MYCBP2: variants seen among roughly 807,000 people sequenced by gnomAD.
MYCBP2 encodes the protein MYC binding protein 2, also known as E3 ubiquitin-protein ligase MYCBP2.
A neutral mutation model predicts 525.3 loss-of-function variants in MYCBP2; 120 were observed. The ratio of observed to expected loss-of-function variants is 0.23; its 90% CI spans 0.20 to 0.27. The LOEUF (loss-of-function observed/expected upper bound fraction) is 0.27, where lower values mean the gene tolerates loss of function less well. Among genes scored for constraint, MYCBP2 ranks in the 10% least tolerant of loss-of-function variants. MYCBP2 has a pLI of 1.00. For missense variants in MYCBP2, 4,149 were observed against 5,657.1 expected, an observed-to-expected ratio of 0.73 and a Z score of 8.55; for synonymous variants, 1,894 against 1,955.8, an observed-to-expected ratio of 0.97 and a Z score of 0.83.
intron 20 of MYCBP2, among the ~76,000 whole-genome samples, chr13:77,223,879 G>C (rs568036485): frequency 6.6e-6 from 1 of 152,162 alleles, no homozygotes; most frequent in South Asian, 2.1e-4. Context: ...GGAATCTTTA[G>C]CTGCACGATC....
intron 55 of MYCBP2, 161 bp from the exon 56 acceptor site, chr13:77,099,174 T>C (rs756041160): frequency 1.0e-6 from 1 of 986,692 alleles, no homozygotes; most frequent in Non-Finnish European, 1.4e-6. Flanking sequence ...GGGAAATATT[T>C]CTAATAAAAT....
rs2046659790 is a variant in MYCBP2, at chr13:77,099,020, G to C, written c.8141-7C>G. ...GAGATGTTTCCTCGATCACCTGTAT[G>C]GTCCATTTTACAGTGAAACTTATTA... On this transcript the variant is annotated splice_region_variant and splice_polypyrimidine_tract_variant and intron_variant, in intron 55 of 82. Transcript: ENST00000544440. 1 of 1,598,414 alleles carries C rather than the reference G, an allele frequency of 6.3e-7. No homozygotes were observed. Among genetic ancestry groups the C allele is most frequent in the Non-Finnish European group, 8.5e-7 (1 of 1,177,878 alleles).
intron 61 of MYCBP2, among the ~76,000 whole-genome samples, chr13:77,088,182 T>C (rs751595431): frequency 6.6e-6 from 1 of 152,166 alleles, no homozygotes; most frequent in Non-Finnish European, 1.5e-5. Context: ...AAATAATTTA[T>C]AAGATACAAT....
intron 26 of MYCBP2, among the ~76,000 whole-genome samples, chr13:77,197,684 T>C (rs2061902745): frequency 6.6e-6 from 1 of 151,268 alleles, no homozygotes; most frequent in South Asian, 2.1e-4. Context: ...TGGAAGGGGA[T>C]GAACCTACAA....
chr13:77,152,881 C>T (rs536391056), intron 46 of MYCBP2, among the ~76,000 whole-genome samples: 4 of 151,788 alleles, frequency 2.6e-5, no homozygotes, highest in Non-Finnish European at 5.9e-5. Context: ...CTGGCTAACA[C>T]GGTGAAACCC....
intron 47 of MYCBP2, among the ~76,000 whole-genome samples, chr13:77,149,844 T>C (rs926607472): frequency 6.6e-6 from 1 of 152,322 alleles, no homozygotes; most frequent in Non-Finnish European, 1.5e-5. Context: ...AACTCACTAG[T>C]CCAACTGATC....
rs34474844 is a variant in MYCBP2 at position 77,125,461 on chromosome 13, T to C, written c.7892A>G (p.Asn2631Ser). ...NKVKAVGEVT[N>S]SEGTWVQLDQ... ...CAGTTGCACCCATGTCCCTTCAGAA[T>C]TGGTTACCTGGTACATAACAAAAAG... is the stretch of plus-strand genomic sequence containing the variant. The change falls in exon 54 of 83, where the codon AAT becomes AGT. Residue 2631 changes from asparagine to serine, a missense_variant. Asn to Ser is a conservative substitution (Grantham distance 46). This residue lies in a region of MYCBP2 where 653 missense variants were observed against 744.7 expected (regional missense o/e 0.88). Transcript: ENST00000544440. The C allele has an allele frequency of 0.033, 53,495 of 1,613,446 alleles. 1,033 individuals are homozygous for C. The highest frequency in any genetic ancestry group is 0.039 in the Non-Finnish European group (46,472 of 1,179,582).
chr13:77,300,538 T>C (rs1310981671), intron 1 of MYCBP2, among the ~76,000 whole-genome samples: 1 of 152,344 alleles, frequency 6.6e-6, no homozygotes, highest in South Asian at 2.1e-4. Flanking sequence ...TTGGGCCTCA[T>C]TGGTCTGTGG....
At chr13:77,178,997 C>G (rs1399728300) in intron 34 of MYCBP2, among the ~76,000 whole-genome samples, 1 of 152,154 alleles carries the variant, frequency 6.6e-6, no homozygotes, top group Non-Finnish European at 1.5e-5. Flanking sequence ...AGGCCAAACT[C>G]AAAGTTAACC....
At chr13:77,145,298 T>C (rs2055347737) in intron 48 of MYCBP2, among the ~76,000 whole-genome samples, 1 of 152,210 alleles carries the variant, frequency 6.6e-6, no homozygotes, top group African/African-American at 2.4e-5. Flanking sequence ...TCTTCCTATC[T>C]TGAAATACTT....
In MYCBP2 at chr13:77,098,763, T is replaced by G; in HGVS notation, c.8391A>C (p.Thr2797=). 1 of 1,613,532 alleles carries G rather than the reference T, an allele frequency of 6.2e-7. No homozygotes were observed. The highest frequency in any genetic ancestry group is 8.5e-7 in the Non-Finnish European group (1 of 1,179,714). Residue 2797 remains threonine, a synonymous_variant, in exon 56 of 83, where the codon ACA becomes ACC. Transcript: ENST00000544440. ...SLSPNHNTLQ[T]LKSDGRMPSS... ...AAGGCATCCTCCCATCAGATTTCAATGTCTGCAAGGTGTTATGGTTGGGGG... is the reference window on the plus strand; with the variant it reads ...AAGGCATCCTCCCATCAGATTTCAAGGTCTGCAAGGTGTTATGGTTGGGGG...
chr13:77,115,802 G>C (rs1033192426), intron 55 of MYCBP2, among the ~76,000 whole-genome samples: 10 of 151,590 alleles, frequency 6.6e-5, no homozygotes, highest in Non-Finnish European at 1.5e-4. Context: ...AGGATCTTGA[G>C]TTATGACATT....
chr13:77,308,505 A>T (rs1035810262), intron 1 of MYCBP2, among the ~76,000 whole-genome samples: 1 of 152,240 alleles, frequency 6.6e-6, no homozygotes, highest in African/African-American at 2.4e-5. Context: ...TCCATACAAT[A>T]GGGTGAAAAC....
At chr13:77,195,425 C>G (rs910472551) in intron 26 of MYCBP2, among the ~76,000 whole-genome samples, 1 of 152,010 alleles carries the variant, frequency 6.6e-6, no homozygotes, top group Non-Finnish European at 1.5e-5. Context: ...GGTGAAACCC[C>G]GTCTCTACTA....
At chr13:77,122,495 A>T (rs985403900) in intron 54 of MYCBP2, among the ~76,000 whole-genome samples, 6 of 151,898 alleles carry the variant, frequency 4.0e-5, no homozygotes, top group Admixed American at 3.3e-4. Context: ...AGGTCAGGAG[A>T]TCGAGACCAC....
chr13:77,093,414 AAGC>A, intron 58 of MYCBP2, 82 bp from the exon 59 acceptor site: 1 of 1,214,628 alleles, frequency 8.2e-7, no homozygotes, highest in Non-Finnish European at 1.2e-6. Flanking sequence ...ATAACAGGAA[AAGC>A]AGCACATGTA....
At chr13:77,083,775 G>A (rs2043734947) in intron 62 of MYCBP2, among the ~76,000 whole-genome samples, 2 of 151,782 alleles carry the variant, frequency 1.3e-5, no homozygotes. Context: ...ATTTTGAGTA[G>A]ATAACACACA....
intron 34 of MYCBP2, among the ~76,000 whole-genome samples, chr13:77,178,193 A>C (rs1278051699): frequency 6.6e-6 from 1 of 152,228 alleles, no homozygotes; most frequent in Non-Finnish European, 1.5e-5. Context: ...TATACTTTCC[A>C]CTTAATTTAT....
At chr13:77,113,512 A>T (rs2049200956) in intron 55 of MYCBP2, among the ~76,000 whole-genome samples, 1 of 152,166 alleles carries the variant, frequency 6.6e-6, no homozygotes, top group African/African-American at 2.4e-5. Context: ...AGTCATCTAA[A>T]GAAAGATGGT....
Sources: gnomAD v4.1 joint callset for allele counts (sites outside exome capture counted in the v4.1 genomes callset) on GRCh38, gnomAD v4.1.1 for gene constraint, gnomAD v4.1.1 regional missense constraint, MANE v1.5 for transcripts, NCBI Gene and HGNC (gene_info 2026-07-23, HGNC 2026-07-21) for gene names.